Variants in FAM184A observed in about 807,000 individuals in gnomAD.
FAM184A encodes the protein protein FAM184A.
Under a neutral mutation model 143.8 loss-of-function variants are expected in FAM184A, and 99 were observed. That is an observed-to-expected ratio of 0.69 (90% CI 0.58 to 0.81). The LOEUF (loss-of-function observed/expected upper bound fraction) is 0.81, where lower values mean the gene tolerates loss of function less well. Among genes scored for constraint, FAM184A ranks in the 40% least tolerant of loss-of-function variants. FAM184A has a pLI of 0.00. For missense variants in FAM184A, 1,217 were observed against 1,310.5 expected (o/e 0.93, Z 1.10); for synonymous variants, 427 against 446.4 (o/e 0.96, Z 0.55).
chr6:119,001,463 G>T (rs1399787492), intron 9 of FAM184A, among the ~76,000 whole-genome samples: 3 of 151,876 alleles, frequency 2.0e-5, no homozygotes, highest in African/African-American at 7.3e-5. Context: ...GGCAAAAACT[G>T]GAGCTAATAT....
intron 9 of FAM184A, among the ~76,000 whole-genome samples, chr6:118,998,459 A>G (rs1221913241): frequency 6.6e-6 from 1 of 152,230 alleles, no homozygotes; most frequent in Non-Finnish European, 1.5e-5. Context: ...TGGAACTTAC[A>G]TGTGAATAGG....
chr6:119,113,650 A>G (rs183629787), intron 1 of FAM184A, among the ~76,000 whole-genome samples: 10 of 152,128 alleles, frequency 6.6e-5, no homozygotes, highest in Admixed American at 6.5e-4. Flanking sequence ...AGAGAGAGAG[A>G]GACCACATTC....
upstream of FAM184A, among the ~76,000 whole-genome samples, chr6:119,082,085 G>A (rs978822834): frequency 5.3e-5 from 8 of 152,210 alleles, 1 homozygote; most frequent in Non-Finnish European, 1.0e-4. Flanking sequence ...AAAAATGCCT[G>A]TGCTCACCTA....
At chr6:118,970,927 CTTG>C (rs1265777948) in intron 14 of FAM184A, among the ~76,000 whole-genome samples, 26 of 151,864 alleles carry the variant, frequency 1.7e-4, no homozygotes, top group Non-Finnish European at 3.7e-4. Flanking sequence ...AAGTTATAGT[CTTG>C]TTAAGAAAAA....
At chr6:119,130,858 C>CT (rs67738048) in intron 1 of FAM184A, among the ~76,000 whole-genome samples, 174 of 131,696 alleles carry the variant, frequency 1.3e-3, no homozygotes, top group East Asian at 3.3e-3. Flanking sequence ...TTCTTTTTTT[C>CT]TTTTTTTTTT....
At chr6:118,993,803 AC>A (rs1192603810) in intron 9 of FAM184A, among the ~76,000 whole-genome samples, 1 of 152,234 alleles carries the variant, frequency 6.6e-6, no homozygotes, top group African/African-American at 2.4e-5. Flanking sequence ...AGCTTGTCCT[AC>A]CTTAATCTAT....
chr6:119,078,282 C>T lies in FAM184A; in HGVS notation c.18G>A (p.Met6Ile). The change falls in exon 1 of 18, where the codon ATG (methionine) becomes ATA (isoleucine). Residue 6 changes from methionine to isoleucine, a missense_variant. Transcript: ENST00000338891. The surrounding 1 kb of genome is among the most constrained non-coding windows in gnomAD (Gnocchi z 5.5). Reference sequence around the variant, plus strand: ...CGCCGTAATAGTGCTGCTGCCAGCTCATGCCCGGGGTCGCCATCTTCCCAA... The same window carrying T: ...CGCCGTAATAGTGCTGCTGCCAGCTTATGCCCGGGGTCGCCATCTTCCCAA... Reference protein sequence around the residue: MATPGMSWQQHYYGGS... With the variant: MATPGISWQQHYYGGS... 4 of 1,507,740 alleles carry T rather than the reference C, an allele frequency of 2.7e-6. No individual in the cohort carries two copies. Among genetic ancestry groups the T allele is most frequent in the Non-Finnish European group, 3.5e-6 (4 of 1,132,000 alleles). 93.4% of individuals were successfully genotyped at this position (1,507,740 alleles called of 1,614,324 possible). A position where few individuals can be genotyped will look rare whatever the true frequency, so the allele number is the denominator to read the frequency against.
intron 6 of FAM184A, chr6:119,009,477 C>CT (rs1372493638): frequency 6.5e-6 from 1 of 154,980 alleles, no homozygotes; most frequent in East Asian, 1.9e-4. Context: ...TAAGATGTGA[C>CT]TTGCTCCTCC....
chr6:119,018,944 T>C (rs1180569384), intron 4 of FAM184A, among the ~76,000 whole-genome samples: 2 of 151,820 alleles, frequency 1.3e-5, no homozygotes, highest in Non-Finnish European at 2.9e-5. Flanking sequence ...CTTAGTACTT[T>C]TGAGAGGAGA....
chr6:119,125,782 G>A (rs902292331), intron 1 of FAM184A, among the ~76,000 whole-genome samples: 7 of 152,134 alleles, frequency 4.6e-5, no homozygotes, highest in Non-Finnish European at 8.8e-5. Context: ...CTTGCTCATC[G>A]TATGTGCCCA....
chr6:118,985,534 G>A (rs772314729), intron 9 of FAM184A, among the ~76,000 whole-genome samples: 58 of 152,236 alleles, frequency 3.8e-4, no homozygotes, highest in African/African-American at 1.3e-3. Context: ...AGGTACTCAC[G>A]ATATTCAGAT....
intron 1 of FAM184A, among the ~76,000 whole-genome samples, chr6:119,122,424 C>A (rs1789241128): frequency 6.6e-6 from 1 of 152,096 alleles, no homozygotes; most frequent in South Asian, 2.1e-4. Context: ...AGCAAGGTGG[C>A]CTTTCTGACA....
chr6:119,010,939 T>A (rs9387625), intron 6 of FAM184A, among the ~76,000 whole-genome samples: 52,419 of 152,000 alleles, frequency 0.34, 10,198 homozygotes, highest in East Asian at 0.68. Context: ...TAATTCAAAT[T>A]AAGCCTACTG....
chr6:119,009,940 C>T (rs1785040533), intron 6 of FAM184A, among the ~76,000 whole-genome samples: 1 of 152,150 alleles, frequency 6.6e-6, no homozygotes, highest in Non-Finnish European at 1.5e-5. Context: ...TTTAACATCT[C>T]AGAATGAAAG....
At chr6:119,005,500 G>A (rs1167295500) in intron 7 of FAM184A, 1 of 152,114 alleles carries the variant, frequency 6.6e-6, no homozygotes, top group Non-Finnish European at 1.5e-5. Context: ...TTAGTAAAAG[G>A]CAGTATTTAC....
At chr6:119,134,546 C>G (rs571530868) in intron 1 of FAM184A, among the ~76,000 whole-genome samples, 1 of 151,030 alleles carries the variant, frequency 6.6e-6, no homozygotes, top group African/African-American at 2.4e-5. Context: ...CCCAGCTACT[C>G]AGGAGGCTGA....
In FAM184A at chr6:119,019,940, A is replaced by C. The variant is rs555967626; in HGVS notation, c.1332+38T>G. 854 of 1,466,272 alleles carry C rather than the reference A, an allele frequency of 5.8e-4. 10 individuals are homozygous for C. The South Asian group carries it at 0.012, about 20-fold the overall frequency. The allele number at this position is 1,466,272 out of a possible 1,614,324, so 90.8% of individuals were successfully genotyped here. A position where few individuals can be genotyped will look rare whatever the true frequency, so the allele number is the denominator to read the frequency against. ...CAAATGTGAAAAAGAGAAAAACGGA[A>C]CTCTTTCGGGGGGAATGGAGTGTCC... On this transcript the variant is annotated intron_variant, in intron 4 of 17. Transcript: ENST00000338891.
At chr6:119,058,877 A>C (rs1409740823) in intron 1 of FAM184A, among the ~76,000 whole-genome samples, 1 of 152,150 alleles carries the variant, frequency 6.6e-6, no homozygotes, top group African/African-American at 2.4e-5. Flanking sequence ...GAGGCTCCAA[A>C]TAAAGCACAC....
At chr6:119,127,235 G>A (rs899174262) in intron 1 of FAM184A, among the ~76,000 whole-genome samples, 38 of 152,294 alleles carry the variant, frequency 2.5e-4, no homozygotes, top group Non-Finnish European at 4.1e-4. Context: ...TTATCTTAAG[G>A]TCAACTGATT....
Sources: allele counts gnomAD v4.1 joint callset (sites outside exome capture counted in the v4.1 genomes callset), GRCh38; gene constraint gnomAD v4.1.1; non-coding constraint Gnocchi (gnomAD v3.1); transcripts MANE v1.5; gene names NCBI Gene and HGNC (gene_info 2026-07-23, HGNC 2026-07-21).